CDH12: variants seen among roughly 807,000 people sequenced by gnomAD.
The protein encoded by CDH12 is cadherin 12.
A neutral mutation model predicts 74.1 loss-of-function variants in CDH12; 41 were observed. That is an observed-to-expected ratio of 0.55 (90% confidence interval 0.43 to 0.72). The LOEUF (loss-of-function observed/expected upper bound fraction) is 0.72. Among genes scored for constraint, CDH12 ranks in the 30% least tolerant of loss-of-function variants. CDH12 has a pLI of 0.00. For missense variants in CDH12, 945 were observed against 977.2 expected (o/e 0.97, Z 0.44); for synonymous variants, 399 against 355.0 (o/e 1.12, Z -1.39).
chr5:22,796,749 T>C (rs1748243240), intron 1 of CDH12, among the ~76,000 whole-genome samples: 1 of 102,282 alleles, frequency 9.8e-6, no homozygotes, highest in Admixed American at 1.0e-4. Flanking sequence ...CTCGATCTCT[T>C]GACCTCGTGA....
intron 1 of CDH12, among the ~76,000 whole-genome samples, chr5:22,738,466 A>T (rs556732536): frequency 4.1e-4 from 63 of 152,138 alleles, no homozygotes; most frequent in Non-Finnish European, 7.5e-4. Flanking sequence ...ATATTGTTAC[A>T]TGTAAATAAC....
chr5:22,001,824 A>G (rs1310914277), intron 5 of CDH12, among the ~76,000 whole-genome samples: 1 of 152,070 alleles, frequency 6.6e-6, no homozygotes, highest in Non-Finnish European at 1.5e-5. Flanking sequence ...TAAAAAAGAA[A>G]GCCACATGTT....
At chr5:22,217,839 A>G (rs991280098) in intron 3 of CDH12, among the ~76,000 whole-genome samples, 3 of 151,670 alleles carry the variant, frequency 2.0e-5, no homozygotes, top group African/African-American at 7.2e-5. Flanking sequence ...AGATAGGTTT[A>G]CCCTTTTGGA....
intron 1 of CDH12, among the ~76,000 whole-genome samples, chr5:22,628,568 A>G (rs1347905917): frequency 6.6e-6 from 1 of 152,176 alleles, no homozygotes; most frequent in Non-Finnish European, 1.5e-5. Flanking sequence ...AAGACACAAC[A>G]TACCAGGATC....
At chr5:22,470,527 C>T (rs4309935) in intron 2 of CDH12, among the ~76,000 whole-genome samples, 65,586 of 151,680 alleles carry the variant, frequency 0.43, 14,626 homozygotes, top group Admixed American at 0.61. Context: ...CAAGCAATCT[C>T]CCCGCATCAG....
intron 7 of CDH12, among the ~76,000 whole-genome samples, chr5:21,847,908 A>C (rs1750264523): frequency 6.6e-6 from 1 of 152,142 alleles, no homozygotes; most frequent in Non-Finnish European, 1.5e-5. Context: ...AATTGAATGT[A>C]TGTTGCTGAA....
chr5:22,811,947 C>T (rs768461377), intron 1 of CDH12, among the ~76,000 whole-genome samples: 11 of 152,176 alleles, frequency 7.2e-5, no homozygotes, highest in Non-Finnish European at 1.5e-4. Context: ...TCATAGAGGT[C>T]GACCTTCTGA....
At chr5:22,760,921 T>G (rs1335584925) in intron 1 of CDH12, among the ~76,000 whole-genome samples, 1 of 152,142 alleles carries the variant, frequency 6.6e-6, no homozygotes, top group Non-Finnish European at 1.5e-5. Flanking sequence ...CCCCACTTTT[T>G]TTATTGACAA....
chr5:22,522,030 C>T (rs1453040046), intron 1 of CDH12, among the ~76,000 whole-genome samples: 1 of 152,140 alleles, frequency 6.6e-6, no homozygotes, highest in African/African-American at 2.4e-5. Flanking sequence ...TGTCATTAAG[C>T]GTATCAGGAA....
chr5:22,004,278 A>G (rs1736800130), intron 5 of CDH12, among the ~76,000 whole-genome samples: 1 of 152,286 alleles, frequency 6.6e-6, no homozygotes, highest in Admixed American at 6.5e-5. Context: ...AGTAATTGTC[A>G]AAGCTAGTTA....
At chr5:22,407,748 T>A (rs191199568) in intron 2 of CDH12, among the ~76,000 whole-genome samples, 40 of 152,184 alleles carry the variant, frequency 2.6e-4, no homozygotes, top group Middle Eastern at 3.4e-3. Context: ...TGGGAATATA[T>A]TTTCATTTAT....
At chr5:22,501,473 T>G (rs1298933218) in intron 2 of CDH12, among the ~76,000 whole-genome samples, 2 of 152,160 alleles carry the variant, frequency 1.3e-5, no homozygotes, top group Admixed American at 1.3e-4. Flanking sequence ...AGAGTCTACT[T>G]TGGAATAATC....
At chr5:22,398,848 G>T (rs1415295845) in intron 3 of CDH12, among the ~76,000 whole-genome samples, 1 of 151,990 alleles carries the variant, frequency 6.6e-6, no homozygotes, top group South Asian at 2.1e-4. Context: ...AGCATAGATG[G>T]TTGGCTCCTA....
chr5:22,094,236 C>T (rs1743609764), intron 4 of CDH12, among the ~76,000 whole-genome samples: 4 of 152,110 alleles, frequency 2.6e-5, no homozygotes, highest in Admixed American at 2.6e-4. Context: ...AGCCATGCCT[C>T]AGCTTATTTT....
At chr5:22,647,717 T>C (rs1004693062) in intron 1 of CDH12, among the ~76,000 whole-genome samples, 1 of 151,920 alleles carries the variant, frequency 6.6e-6, no homozygotes, top group Non-Finnish European at 1.5e-5. Flanking sequence ...GACTTCAACA[T>C]ATGAATTTTA....
Position 22,010,052 on chromosome 5 carries a change from C to T in CDH12, c.232-34667G>A, listed in dbSNP as rs192073188. On this transcript the variant is annotated intron_variant, in intron 5 of 14. Coordinates refer to ENST00000382254, the MANE Select transcript of CDH12 (RefSeq NM_004061.5). ...AGAAATGGGTCAGCACTGTCTTTTCCGTATCAACATAAAACAATTGTGTGG... is the reference window on the plus strand; with the variant it reads ...AGAAATGGGTCAGCACTGTCTTTTCTGTATCAACATAAAACAATTGTGTGG... Among the ~76,000 whole-genome samples, 266 of 151,786 alleles carry T rather than the reference C, an allele frequency of 1.8e-3. 1 individual carries two copies. The highest frequency in any genetic ancestry group is 6.3e-3 in the African/African-American group (260 of 41,430).
intron 1 of CDH12, among the ~76,000 whole-genome samples, chr5:22,642,985 A>C (rs889197801): frequency 6.6e-6 from 1 of 152,144 alleles, no homozygotes; most frequent in Non-Finnish European, 1.5e-5. Context: ...ATGCTCCATA[A>C]TTCCCAGAGG....
intron 6 of CDH12, among the ~76,000 whole-genome samples, chr5:21,898,558 T>C (rs866647006): frequency 4.0e-5 from 6 of 151,670 alleles, no homozygotes; most frequent in South Asian, 4.2e-4. Context: ...AAAAATTAGC[T>C]GGGCGTGGTG....
intron 6 of CDH12, among the ~76,000 whole-genome samples, chr5:21,857,554 A>C (rs1354543044): frequency 6.6e-6 from 1 of 151,886 alleles, no homozygotes; most frequent in Non-Finnish European, 1.5e-5. Flanking sequence ...ACTATATTCT[A>C]TATCTTATAC....
Sources: gnomAD v4.1 joint callset for allele counts (sites outside exome capture counted in the v4.1 genomes callset) on GRCh38, gnomAD v4.1.1 for gene constraint, MANE v1.5 for transcripts, NCBI Gene and HGNC (gene_info 2026-07-23, HGNC 2026-07-21) for gene names.